Variants in RSRC1 observed in about 807,000 individuals in gnomAD.
RSRC1 encodes the protein serine/Arginine-related protein 53.
Under a neutral mutation model 49.1 loss-of-function variants are expected in RSRC1, and 39 were observed. The ratio of observed to expected loss-of-function variants is 0.79; its 90% CI spans 0.61 to 1.04. RSRC1 has a LOEUF of 1.04. Ranked by LOEUF, RSRC1 falls within the 50% of genes least tolerant of loss-of-function variation. The probability of loss-of-function intolerance (pLI) is 0.00; values close to 1 mark genes in which losing one functional copy is unlikely to be tolerated. For missense variants in RSRC1, 388 were observed against 402.4 expected (o/e 0.96, Z 0.31); for synonymous variants, 143 against 130.8 (o/e 1.09, Z -0.63).
At chr3:158,464,498 A>G (rs1737777781) in intron 7 of RSRC1, among the ~76,000 whole-genome samples, 1 of 152,140 alleles carries the variant, frequency 6.6e-6, no homozygotes, top group Admixed American at 6.6e-5. Flanking sequence ...TAAATTATTC[A>G]TGGGAATGGT....
rs1204001450 is a variant in RSRC1, at chr3:158,203,189, A to C, written c.438A>C (p.Lys146Asn). ...GACGTAAGGGCAGAGATAAAGAGAA[A>C]AGAGAAAAGGAGAAGGATAAAGGGA... is the stretch of plus-strand genomic sequence containing the variant. ...RERRKGRDKEKREKEKDKGKD... is the reference protein window; with the variant it reads ...RERRKGRDKENREKEKDKGKD... The change falls in exon 4 of 10, where the codon AAA (lysine) becomes AAC (asparagine). Residue 146 changes from lysine (K) to asparagine (N), a missense_variant. Transcript: ENST00000611884. The C allele has an allele frequency of 4.3e-6, 7 of 1,612,556 alleles. No individual in the cohort carries two copies. The highest frequency in any genetic ancestry group is 5.9e-6 in the Non-Finnish European group (7 of 1,179,360).
intron 1 of RSRC1, among the ~76,000 whole-genome samples, chr3:158,112,848 A>G (rs1388952296): frequency 4.6e-5 from 7 of 151,804 alleles, no homozygotes; most frequent in African/African-American, 1.7e-4. Context: ...TCCCAGGTCC[A>G]TGTGTTCTCA....
intron 6 of RSRC1, among the ~76,000 whole-genome samples, chr3:158,453,078 C>T (rs1737132208): frequency 6.6e-6 from 1 of 151,838 alleles, no homozygotes; most frequent in Non-Finnish European, 1.5e-5. Context: ...TATATCAGGC[C>T]ATCTTATTCT....
chr3:158,533,933 A>G (rs1712568968), intron 7 of RSRC1, among the ~76,000 whole-genome samples: 1 of 151,694 alleles, frequency 6.6e-6, no homozygotes, highest in Non-Finnish European at 1.5e-5. Context: ...CTCATTTCAC[A>G]TGCTCAATTA....
intron 5 of RSRC1, among the ~76,000 whole-genome samples, chr3:158,332,023 C>G (rs1043480311): frequency 4.0e-5 from 6 of 151,808 alleles, no homozygotes; most frequent in Non-Finnish European, 5.9e-5. Flanking sequence ...TAATTTATGT[C>G]ATTTTTTAGG....
At chr3:158,529,379 G>T (rs1709396985) in intron 7 of RSRC1, among the ~76,000 whole-genome samples, 1 of 151,762 alleles carries the variant, frequency 6.6e-6, no homozygotes, top group Admixed American at 6.6e-5. Flanking sequence ...AGTGGGTAAA[G>T]AATTCATTTG....
At chr3:158,503,035 T>C (rs569302607) in intron 7 of RSRC1, among the ~76,000 whole-genome samples, 2 of 152,256 alleles carry the variant, frequency 1.3e-5, no homozygotes, top group East Asian at 3.9e-4. Flanking sequence ...AGGGAAGGTC[T>C]AGGGCTGAAG....
intron 3 of RSRC1, among the ~76,000 whole-genome samples, chr3:158,158,875 G>A (rs1360293558): frequency 6.6e-6 from 1 of 151,196 alleles, no homozygotes; most frequent in Non-Finnish European, 1.5e-5. Context: ...GGAGGTAGAG[G>A]TTGCAGTAAG....
At chr3:158,285,380 C>CT (rs1197356383) in intron 4 of RSRC1, among the ~76,000 whole-genome samples, 1 of 152,144 alleles carries the variant, frequency 6.6e-6, no homozygotes, top group South Asian at 2.1e-4. Flanking sequence ...AATGCGGGCT[C>CT]TTTTTTGGTT....
chr3:158,495,151 T>C (rs1392457061), intron 7 of RSRC1, among the ~76,000 whole-genome samples: 1 of 152,196 alleles, frequency 6.6e-6, no homozygotes, highest in Non-Finnish European at 1.5e-5. Flanking sequence ...ATTATAATCT[T>C]GTGGAACCAC....
Position 158,229,221 on chromosome 3 carries a change from T to C in RSRC1, c.494+25976T>C, listed in dbSNP as rs537439291. Among the ~76,000 whole-genome samples the C allele has an allele frequency of 1.1e-3, 165 of 149,912 alleles. 4 individuals are homozygous for C. Among genetic ancestry groups the C allele is most frequent in the African/African-American group, 3.9e-3 (155 of 40,162 alleles). Reference sequence around the variant, plus strand: ...ATATGTGTATATATGTATACACACATACACGTATATGTGTATGTATGTATA... The same window carrying C: ...ATATGTGTATATATGTATACACACACACACGTATATGTGTATGTATGTATA... On this transcript the variant is annotated intron_variant, in intron 4 of 9. Coordinates refer to ENST00000611884, the MANE Select transcript of RSRC1 (RefSeq NM_001271838.2).
intron 4 of RSRC1, among the ~76,000 whole-genome samples, chr3:158,240,764 A>T (rs1020981289): frequency 3.3e-5 from 5 of 152,172 alleles, no homozygotes; most frequent in Admixed American, 6.6e-5. Flanking sequence ...TTTTGATGAA[A>T]ATCTTCACTG....
intron 6 of RSRC1, among the ~76,000 whole-genome samples, chr3:158,380,718 G>A (rs1732655769): frequency 6.6e-6 from 1 of 151,834 alleles, no homozygotes; most frequent in African/African-American, 2.4e-5. Flanking sequence ...CCACTCTGAT[G>A]ACTTAAAAAA....
At chr3:158,294,362 TTC>T (rs1279030688) in intron 4 of RSRC1, among the ~76,000 whole-genome samples, 6 of 152,172 alleles carry the variant, frequency 3.9e-5, no homozygotes, top group Non-Finnish European at 8.8e-5. Context: ...CATATATTGG[TTC>T]TTTTTCATAA....
chr3:158,260,067 A>G (rs1038846415), intron 4 of RSRC1, among the ~76,000 whole-genome samples: 1 of 151,816 alleles, frequency 6.6e-6, no homozygotes, highest in African/African-American at 2.4e-5. Context: ...TTGGTGCTCT[A>G]CCCCAGTGTG....
intron 6 of RSRC1, among the ~76,000 whole-genome samples, chr3:158,372,407 GT>G (rs915090375): frequency 6.6e-6 from 1 of 151,848 alleles, no homozygotes. Flanking sequence ...TTGAAAAGAT[GT>G]TTTTCATCCA....
intron 6 of RSRC1, among the ~76,000 whole-genome samples, chr3:158,450,331 C>CTTTTTTTTTTTT (rs57318071): frequency 2.4e-5 from 3 of 127,306 alleles, no homozygotes; most frequent in Non-Finnish European, 1.7e-5. Context: ...TTCTTTTTTG[C>CTTTTTTTTTTTT]TTTTTTTTTT....
intron 4 of RSRC1, among the ~76,000 whole-genome samples, chr3:158,204,021 T>C (rs1721216231): frequency 6.6e-6 from 1 of 152,160 alleles, no homozygotes; most frequent in South Asian, 2.1e-4. Flanking sequence ...TTGGAATTTA[T>C]CCTCTTTTGT....
intron 5 of RSRC1, among the ~76,000 whole-genome samples, chr3:158,323,447 G>C (rs1728877876): frequency 6.6e-6 from 1 of 152,138 alleles, no homozygotes; most frequent in Non-Finnish European, 1.5e-5. Context: ...TCTTCATCTG[G>C]TTCTTCAAGA....
Sources: gnomAD v4.1 joint callset for allele counts (sites outside exome capture counted in the v4.1 genomes callset) on GRCh38, gnomAD v4.1.1 for gene constraint, MANE v1.5 for transcripts, NCBI Gene and HGNC (gene_info 2026-07-23, HGNC 2026-07-21) for gene names.